DSCAML1: variants seen among roughly 807,000 people sequenced by gnomAD.
DSCAML1 encodes the protein cell adhesion molecule DSCAML1.
Under a neutral mutation model 200.5 loss-of-function variants are expected in DSCAML1, and 38 were observed. The observed-to-expected ratio is 0.19, with a 90% CI of 0.15 to 0.25. The LOEUF (loss-of-function observed/expected upper bound fraction) is 0.25, where lower values mean the gene tolerates loss of function less well. DSCAML1 is among the 10% of genes least tolerant of loss of function. The probability of loss-of-function intolerance (pLI) is 1.00; values close to 1 mark genes in which losing one functional copy is unlikely to be tolerated. For synonymous variants in DSCAML1, 1,215 were observed against 1,165.0 expected (o/e 1.04, Z -0.87); for missense variants, 2,223 against 2,858.8 (o/e 0.78, Z 5.07).
In DSCAML1 at chr11:117,516,686, T is replaced by C. The variant is rs533262006; in HGVS notation, c.1564A>G (p.Thr522Ala). Residue 522 changes from threonine (T) to alanine (A), a missense_variant, in exon 8 of 33, where the codon ACC becomes GCC. Around this residue, in one of 7 missense-constraint regions of DSCAML1, gnomAD observed 212 missense variants for 368.0 expected, o/e 0.58. Coordinates refer to ENST00000651296, the MANE Select transcript of DSCAML1 (RefSeq NM_020693.4). The surrounding 1 kb of genome is among the most constrained non-coding windows in gnomAD (Gnocchi z 5.7). ...RNITAVAGRD[T>A]LINCRVIGYP... ...CCGATGACCCTGCAGTTGATAAGGG[T>C]GTCCCGCCCGGCGACTGCTGTGATG... The C allele has an allele frequency of 3.1e-6, 5 of 1,613,956 alleles. No homozygotes were observed. The East Asian group carries it at 1.1e-4, about 36-fold the overall frequency.
At chr11:117,441,146 G>C (rs1028388428) in intron 21 of DSCAML1, among the ~76,000 whole-genome samples, 3 of 152,114 alleles carry the variant, frequency 2.0e-5, no homozygotes, top group African/African-American at 7.2e-5. Context: ...TGGGGGAAGA[G>C]AGCGGGGAGG....
chr11:117,472,670 T>A (rs1320620119), intron 14 of DSCAML1, among the ~76,000 whole-genome samples: 1 of 152,182 alleles, frequency 6.6e-6, no homozygotes. Context: ...GAGATTAACA[T>A]GTTCACGATT....
intron 3 of DSCAML1, among the ~76,000 whole-genome samples, chr11:117,716,869 C>G (rs2053960490): frequency 6.6e-6 from 1 of 152,184 alleles, no homozygotes; most frequent in African/African-American, 2.4e-5. Context: ...CACGGCAGAG[C>G]TGAGGTGGTT....
chr11:117,490,883 G>A (rs539479909), intron 11 of DSCAML1, among the ~76,000 whole-genome samples: 35 of 152,312 alleles, frequency 2.3e-4, no homozygotes, highest in African/African-American at 7.7e-4. Context: ...GAGGAGGTCC[G>A]GGCTAGCAGG....
At chr11:117,619,214 G>A (rs969717860) in intron 3 of DSCAML1, among the ~76,000 whole-genome samples, 1 of 152,238 alleles carries the variant, frequency 6.6e-6, no homozygotes, top group Non-Finnish European at 1.5e-5. Context: ...GCTGGTCTCA[G>A]GCTTTCTCTA....
rs117245415 is a variant in DSCAML1 at position 117,701,943 on chromosome 11, G to A, written c.511+74848C>T. Among the ~76,000 whole-genome samples, 431 of 152,276 alleles carry A rather than the reference G, an allele frequency of 2.8e-3. 8 individuals carry two copies. The East Asian group carries it at 0.03, about 10-fold the overall frequency. ...CAGGTGCAGGGTAAACAGACAGCGC[G>A]TGGCAGCTGTGGTTACTGCAGTGCT... is the stretch of plus-strand genomic sequence containing the variant. On this transcript the variant is annotated intron_variant, in intron 3 of 32. Coordinates refer to ENST00000651296, the MANE Select transcript of DSCAML1 (RefSeq NM_020693.4).
chr11:117,646,399 G>C (rs960220781), intron 3 of DSCAML1, among the ~76,000 whole-genome samples: 18 of 152,136 alleles, frequency 1.2e-4, no homozygotes. Flanking sequence ...GGCATGGGTG[G>C]GAAGTCTGAT....
At chr11:117,796,420 G>C (rs2055576968) in intron 1 of DSCAML1, among the ~76,000 whole-genome samples, 1 of 152,224 alleles carries the variant, frequency 6.6e-6, no homozygotes, top group African/African-American at 2.4e-5. Context: ...GGCCGGGGGA[G>C]GGTGACCTCT....
chr11:117,699,159 GGGA>G lies in DSCAML1; in HGVS notation c.511+77629_511+77631del, dbSNP rs543096538. ...GGCCCTGGTGACACCCAGCAATGAAGGGAGGAGAAGGGACCAGACAGCAAGCAT... is the reference window on the plus strand; with the variant it reads ...GGCCCTGGTGACACCCAGCAATGAAGGGAGAAGGGACCAGACAGCAAGCAT... On this transcript the variant is annotated intron_variant, in intron 3 of 32. Transcript: ENST00000651296. 2.2e-3 allele frequency among the ~76,000 whole-genome samples: 328 copies of G among 152,266 alleles called. 1 individual carries two copies. Among genetic ancestry groups the G allele is most frequent in the Non-Finnish European group, 3.9e-3 (268 of 68,022 alleles).
At position 117,434,126 on chromosome 11, in the gene DSCAML1, C is replaced by T. The variant is rs565723564; in HGVS notation, c.4877-655G>A. Among the ~76,000 whole-genome samples the T allele has an allele frequency of 2.6e-5, 4 of 152,328 alleles. No individual in the cohort carries two copies. The East Asian group carries it at 7.7e-4, about 29-fold the overall frequency. On this transcript the variant is annotated intron_variant, in intron 27 of 32. Transcript: ENST00000651296. ...AGCTGTCAGAATGAATCCCAAATAG[C>T]TGTATGCATGCATCTAACCATCCAA...
At chr11:117,730,661 G>T (rs971400687) in intron 3 of DSCAML1, among the ~76,000 whole-genome samples, 1 of 152,178 alleles carries the variant, frequency 6.6e-6, no homozygotes, top group Non-Finnish European at 1.5e-5. Flanking sequence ...TCCTTAAGAG[G>T]TTAAACAGCA....
intron 3 of DSCAML1, among the ~76,000 whole-genome samples, chr11:117,692,246 C>T (rs1278354933): frequency 2.6e-5 from 4 of 152,058 alleles, no homozygotes; most frequent in African/African-American, 9.7e-5. Context: ...CTTCTTTGCT[C>T]TTTGCTAAAT....
intron 1 of DSCAML1, among the ~76,000 whole-genome samples, chr11:117,783,492 T>C (rs989627852): frequency 1.3e-5 from 2 of 152,182 alleles, no homozygotes; most frequent in East Asian, 3.8e-4. Context: ...CACCACTGAC[T>C]TCATTGTTAA....
In DSCAML1 at chr11:117,489,235, T is replaced by TG. The variant is rs567794355; in HGVS notation, c.2360-7074dup. On this transcript the variant is annotated intron_variant, in intron 11 of 32. Coordinates refer to ENST00000651296, the MANE Select transcript of DSCAML1 (RefSeq NM_020693.4). The surrounding 1 kb of genome is among the most constrained non-coding windows in gnomAD (Gnocchi z 4.8). ...GCGGGGCAGCTGCAGCAGGTACTCC[T>TG]GGGGCAGGCAGTGGGGACTGCTGCT... 8.7e-3 allele frequency among the ~76,000 whole-genome samples: 1,323 copies of TG among 152,236 alleles called. 16 individuals are homozygous for TG. The highest frequency in any genetic ancestry group is 0.031 in the African/African-American group (1,279 of 41,546).
At chr11:117,681,497 C>G (rs534246821) in intron 3 of DSCAML1, among the ~76,000 whole-genome samples, 1 of 152,196 alleles carries the variant, frequency 6.6e-6, no homozygotes, top group South Asian at 2.1e-4. Flanking sequence ...CTTTTGCAGG[C>G]TATTCCAAGG....
chr11:117,442,333 A>AGTGT (rs144505864), intron 21 of DSCAML1, among the ~76,000 whole-genome samples: 32 of 150,220 alleles, frequency 2.1e-4, no homozygotes, highest in Non-Finnish European at 3.7e-4. Context: ...TAGTGTGTAT[A>AGTGT]GTGTGTATGT....
chr11:117,715,337 G>GA (rs11458341), intron 3 of DSCAML1, among the ~76,000 whole-genome samples: 9,697 of 152,114 alleles, frequency 0.064, 478 homozygotes, highest in East Asian at 0.12. Flanking sequence ...GATCTTGCAG[G>GA]AAAAACGGAG....
At chr11:117,669,877 C>T (rs1223389268) in intron 3 of DSCAML1, among the ~76,000 whole-genome samples, 1 of 152,198 alleles carries the variant, frequency 6.6e-6, no homozygotes, top group African/African-American at 2.4e-5. Context: ...AGCAACGGGG[C>T]CTGTGGCATG....
chr11:117,619,863 G>C (rs1208804968), intron 3 of DSCAML1, among the ~76,000 whole-genome samples: 3 of 152,156 alleles, frequency 2.0e-5, no homozygotes, highest in Non-Finnish European at 2.9e-5. Flanking sequence ...GAGGCATGAT[G>C]CAGGGGCAAT....
Sources: allele counts gnomAD v4.1 joint callset (sites outside exome capture counted in the v4.1 genomes callset), GRCh38; gene constraint gnomAD v4.1.1; regional missense constraint gnomAD v4.1.1; non-coding constraint Gnocchi (gnomAD v3.1); transcripts MANE v1.5; gene names NCBI Gene and HGNC (gene_info 2026-07-23, HGNC 2026-07-21).